STPG2: variants seen among roughly 807,000 people sequenced by gnomAD.
STPG2 encodes the protein sperm-tail PG-rich repeat-containing protein 2.
STPG2 carries 56 observed loss-of-function variants against 54.2 expected under a neutral mutation model. The ratio of observed to expected loss-of-function variants is 1.03; its 90% CI spans 0.83 to 1.29. The LOEUF is 1.29. STPG2 is among the 50% of genes most tolerant of loss of function. STPG2 has a pLI of 0.00. For missense variants in STPG2, 596 were observed against 544.9 expected, an observed-to-expected ratio of 1.09 and a Z score of -0.93; for synonymous variants, 200 against 181.8, an observed-to-expected ratio of 1.10 and a Z score of -0.81.
chr4:97,773,440 C>T (rs1455691077), intron 9 of STPG2, among the ~76,000 whole-genome samples: 1 of 152,062 alleles, frequency 6.6e-6, no homozygotes, highest in Non-Finnish European at 1.5e-5. Flanking sequence ...CTGCCTTAGC[C>T]TCTTAAGTAG....
rs964373460 is a variant in STPG2, at chr4:97,809,347, C to A, written c.1204+31426G>T. Among the ~76,000 whole-genome samples the A allele has an allele frequency of 7.2e-4, 109 of 152,150 alleles. 2 individuals are homozygous for A. The highest frequency in any genetic ancestry group is 2.0e-3 in the Admixed American group (31 of 15,272). ...TGTGACAGGCAGAATTCTAAAGAAA[C>A]CCCCCCAAGATTCCCATCACTGATT... On this transcript the variant is annotated intron_variant, in intron 9 of 10. Coordinates refer to ENST00000295268, the MANE Select transcript of STPG2 (RefSeq NM_174952.3).
At chr4:98,078,957 A>C (rs1738255942) in intron 5 of STPG2, among the ~76,000 whole-genome samples, 1 of 152,200 alleles carries the variant, frequency 6.6e-6, no homozygotes. Flanking sequence ...TAGAAGCACG[A>C]ATAATAACCA....
At chr4:97,694,380 A>G (rs529814475) in intron 10 of STPG2, among the ~76,000 whole-genome samples, 30 of 152,226 alleles carry the variant, frequency 2.0e-4, no homozygotes, top group Admixed American at 8.5e-4. Context: ...CAAGGCTGCT[A>G]TGAACAACTT....
At chr4:97,519,415 G>C (rs1731137619) in intron 4 of STPG2, among the ~76,000 whole-genome samples, 1 of 151,962 alleles carries the variant, frequency 6.6e-6, no homozygotes, top group South Asian at 2.1e-4. Context: ...AATTGAGATA[G>C]TTATGTGGAG....
chr4:97,513,547 C>T (rs1285532118), intron 4 of STPG2, among the ~76,000 whole-genome samples: 2 of 152,086 alleles, frequency 1.3e-5, no homozygotes, highest in African/African-American at 4.8e-5. Flanking sequence ...ACAGAAGACT[C>T]TCCTATCACT....
chr4:97,733,591 A>G (rs1724876389), intron 9 of STPG2, among the ~76,000 whole-genome samples: 1 of 152,130 alleles, frequency 6.6e-6, no homozygotes, highest in Non-Finnish European at 1.5e-5. Flanking sequence ...TTAAAACAAA[A>G]ATTAATTTAA....
At chr4:97,585,778 G>A (rs1418951452) in intron 10 of STPG2, among the ~76,000 whole-genome samples, 1 of 151,916 alleles carries the variant, frequency 6.6e-6, no homozygotes, top group Non-Finnish European at 1.5e-5. Context: ...ATGTAACACT[G>A]CAAAGCATCT....
At chr4:97,602,919 A>G (rs551808706) in intron 10 of STPG2, among the ~76,000 whole-genome samples, 1 of 151,754 alleles carries the variant, frequency 6.6e-6, no homozygotes, top group African/African-American at 2.4e-5. Flanking sequence ...CATCATCTAG[A>G]CATAACCAAT....
intron 3 of STPG2, among the ~76,000 whole-genome samples, chr4:98,120,285 T>C (rs560438408): frequency 6.6e-6 from 1 of 152,126 alleles, no homozygotes; most frequent in Non-Finnish European, 1.5e-5. Context: ...TTCACCATAT[T>C]GATCAGGCTG....
At chr4:97,676,590 G>A (rs1342216347) in intron 10 of STPG2, among the ~76,000 whole-genome samples, 3 of 148,192 alleles carry the variant, frequency 2.0e-5, no homozygotes, top group African/African-American at 7.4e-5. Flanking sequence ...AGGGAGGGAG[G>A]GAGGGAGGGG....
At chr4:98,020,545 C>T (rs36130873) in intron 5 of STPG2, among the ~76,000 whole-genome samples, 15 of 151,760 alleles carry the variant, frequency 9.9e-5, no homozygotes, top group South Asian at 2.1e-4. Context: ...AATGAGTTAG[C>T]GAGGATTCCC....
At position 97,880,192 on chromosome 4, in the gene STPG2, C is replaced by A. The variant is rs568105124; in HGVS notation, c.1045-39260G>T. ...AAGATATTATGCTAAGTGAGATAAG[C>A]CAGAAACAGAAAGACAAATAATGTA... On this transcript the variant is annotated intron_variant, in intron 8 of 10. Coordinates refer to ENST00000295268, the MANE Select transcript of STPG2 (RefSeq NM_174952.3). Among the ~76,000 whole-genome samples, 11 of 152,040 alleles carry A rather than the reference C, an allele frequency of 7.2e-5. No homozygotes were observed. In the East Asian group the frequency reaches 1.9e-3, roughly 27 times the overall value.
chr4:97,541,225 C>T (rs1039706807), intron 4 of STPG2, among the ~76,000 whole-genome samples: 10 of 152,216 alleles, frequency 6.6e-5, no homozygotes, highest in Middle Eastern at 3.4e-3. Flanking sequence ...AAAACCCCAT[C>T]ATCTCAGCCC....
At chr4:97,921,256 A>T (rs994383303) in intron 8 of STPG2, among the ~76,000 whole-genome samples, 1 of 151,930 alleles carries the variant, frequency 6.6e-6, no homozygotes, top group Non-Finnish European at 1.5e-5. Context: ...CCACTCCACT[A>T]CCAATCCTGC....
intron 3 of STPG2, among the ~76,000 whole-genome samples, chr4:98,114,747 A>T (rs1739460083): frequency 4.6e-5 from 1 of 21,582 alleles, no homozygotes; most frequent in Non-Finnish European, 9.5e-5. Flanking sequence ...CCCCACAATA[A>T]TATCCATTTT....
chr4:97,709,828 T>G (rs1038830534), intron 10 of STPG2, among the ~76,000 whole-genome samples: 1 of 151,934 alleles, frequency 6.6e-6, no homozygotes, highest in African/African-American at 2.4e-5. Context: ...TTATTTTAAA[T>G]GAATATACAC....
chr4:97,594,334 A>C lies in STPG2; in HGVS notation c.1321-35217T>G, dbSNP rs867898755. Among the ~76,000 whole-genome samples, 3 of 152,256 alleles carry C rather than the reference A, an allele frequency of 2.0e-5. No individual in the cohort carries two copies. The South Asian group carries it at 6.2e-4, about 32-fold the overall frequency. The stretch of plus-strand genomic sequence containing the variant: ...CTGATCTGATAGAGCTGAAAAACTC[A>C]TGTCAAGAATTTCAGAATATAATCC... On this transcript the variant is annotated intron_variant, in intron 10 of 10. Coordinates refer to ENST00000295268, the MANE Select transcript of STPG2 (RefSeq NM_174952.3).
intron 8 of STPG2, among the ~76,000 whole-genome samples, 162 bp downstream of exon 8, chr4:97,943,735 G>T (rs1482527459): frequency 6.6e-6 from 1 of 152,148 alleles, no homozygotes; most frequent in Admixed American, 6.6e-5. Context: ...ATAGCTTGAA[G>T]AATTTTGTTG....
At chr4:97,755,871 A>T (rs534478681) in intron 9 of STPG2, among the ~76,000 whole-genome samples, 1 of 152,318 alleles carries the variant, frequency 6.6e-6, no homozygotes, top group African/African-American at 2.4e-5. Context: ...TAGAAGTCTT[A>T]GGAAAGACAG....
Sources: gnomAD v4.1 joint callset for allele counts (sites outside exome capture counted in the v4.1 genomes callset) on GRCh38, gnomAD v4.1.1 for gene constraint, MANE v1.5 for transcripts, NCBI Gene and HGNC (gene_info 2026-07-23, HGNC 2026-07-21) for gene names.